MARCHF1: variants seen among roughly 807,000 people sequenced by gnomAD.
MARCHF1 encodes E3 ubiquitin-protein ligase MARCHF1.
Under a neutral mutation model 54.2 loss-of-function variants are expected in MARCHF1, and 40 were observed. That is an observed-to-expected ratio of 0.74 (90% CI 0.57 to 0.96). The LOEUF (loss-of-function observed/expected upper bound fraction) is 0.96. Ranked by LOEUF, MARCHF1 falls within the 40% of genes least tolerant of loss-of-function variation. The probability of loss-of-function intolerance (pLI) is 0.00; values close to 1 mark genes in which losing one functional copy is unlikely to be tolerated. For synonymous variants in MARCHF1, 236 were observed against 236.3 expected, an observed-to-expected ratio of 1.00 and a Z score of 0.01; for missense variants, 586 against 656.5, an observed-to-expected ratio of 0.89 and a Z score of 1.17.
intron 1 of MARCHF1, among the ~76,000 whole-genome samples, chr4:164,176,966 C>CTATA (rs1730689125): frequency 8.6e-5 from 4 of 46,728 alleles, no homozygotes; most frequent in African/African-American, 4.2e-4. Flanking sequence ...CTCTCTCTCT[C>CTATA]TCTCTCTCTC....
chr4:164,001,954 TGA>T (rs968593433), intron 2 of MARCHF1, among the ~76,000 whole-genome samples: 5 of 151,894 alleles, frequency 3.3e-5, no homozygotes, highest in East Asian at 1.9e-4. Flanking sequence ...TTTTAGCAAA[TGA>T]GAGAGCAGAT....
At chr4:163,874,503 A>AT (rs34836663) in intron 3 of MARCHF1, among the ~76,000 whole-genome samples, 30,805 of 151,608 alleles carry the variant, frequency 0.2, 3,582 homozygotes, top group South Asian at 0.32. Context: ...CCCACACTTG[A>AT]TTTTTTTTTA....
chr4:163,792,266 C>G, intron 4 of MARCHF1, among the ~76,000 whole-genome samples: 1 of 152,062 alleles, frequency 6.6e-6, no homozygotes, highest in African/African-American at 2.4e-5. Flanking sequence ...ATCCCAATAG[C>G]AAAATATAAA....
chr4:164,334,929 C>T (rs931204337), intron 1 of MARCHF1, among the ~76,000 whole-genome samples: 8 of 152,244 alleles, frequency 5.3e-5, no homozygotes, highest in South Asian at 2.1e-4. Flanking sequence ...GAGCAAGTAA[C>T]TGCAGAGGTG....
At chr4:164,298,270 T>C (rs1734462360) in intron 1 of MARCHF1, among the ~76,000 whole-genome samples, 1 of 152,032 alleles carries the variant, frequency 6.6e-6, no homozygotes, top group South Asian at 2.1e-4. Context: ...TAGATTAAAA[T>C]AAAGCCTCCT....
chr4:163,545,723 G>C lies in MARCHF1; in HGVS notation c.1212C>G (p.Thr404=). Residue 404 remains threonine (T), a synonymous_variant, in exon 9 of 10, where the codon ACC becomes ACG. Coordinates refer to ENST00000514618, the MANE Select transcript of MARCHF1 (RefSeq NM_001394959.1). ...AGAATATTTTCCTCCTTTCACTTGT[G>C]GTCATCTGTAGTTTCTCCCACTGCA... ...PLRKWEKLQM[T]TSERRKIFCS... The C allele has an allele frequency of 1.2e-6, 2 of 1,613,756 alleles. No individual in the cohort carries two copies. The highest frequency in any genetic ancestry group is 1.7e-6 in the Non-Finnish European group (2 of 1,179,854).
chr4:163,930,383 G>A (rs1465346963), intron 3 of MARCHF1, among the ~76,000 whole-genome samples: 1 of 151,842 alleles, frequency 6.6e-6, no homozygotes, highest in African/African-American at 2.4e-5. Context: ...AGGAGAGTTG[G>A]GACTCAGACC....
chr4:163,595,455 T>G (rs1740736379), intron 7 of MARCHF1, among the ~76,000 whole-genome samples: 1 of 79,522 alleles, frequency 1.3e-5, no homozygotes, highest in African/African-American at 3.3e-5. Flanking sequence ...AGATTGCAGT[T>G]GCAGTGAGCT....
Position 164,174,131 on chromosome 4 carries a change from C to T in MARCHF1, c.-322-62469G>A, listed in dbSNP as rs141148965. Among the ~76,000 whole-genome samples, 33 of 152,278 alleles carry T rather than the reference C, an allele frequency of 2.2e-4. 1 individual carries two copies. In the East Asian group the frequency reaches 5.8e-3, roughly 27 times the overall value. On this transcript the variant is annotated intron_variant, in intron 1 of 9. Transcript: ENST00000514618. ...AAGATAATAAGGGTATTCTTCATGG[C>T]TCACCACATGCTGAGATTCAATGTG...
chr4:163,822,034 A>G (rs1245881950), intron 4 of MARCHF1, among the ~76,000 whole-genome samples: 1 of 151,958 alleles, frequency 6.6e-6, no homozygotes, highest in African/African-American at 2.4e-5. Context: ...ATAACTTTGC[A>G]TGATTTTGTT....
chr4:164,166,486 AG>A (rs1730384775), intron 1 of MARCHF1, among the ~76,000 whole-genome samples: 1 of 151,990 alleles, frequency 6.6e-6, no homozygotes, highest in African/African-American at 2.4e-5. Context: ...TAGCTCTAGA[AG>A]GAAAACATCC....
At chr4:163,557,663 C>CT (rs879779526) in intron 8 of MARCHF1, among the ~76,000 whole-genome samples, 3 of 149,182 alleles carry the variant, frequency 2.0e-5, no homozygotes, top group Non-Finnish European at 4.4e-5. Flanking sequence ...TGTCGTTTTT[C>CT]TTTCCTCTCT....
chr4:163,836,346 C>T (rs1265493357), intron 4 of MARCHF1, among the ~76,000 whole-genome samples: 3 of 150,590 alleles, frequency 2.0e-5, no homozygotes, highest in Non-Finnish European at 4.4e-5. Flanking sequence ...CCCAGGTTCA[C>T]GCCATTCTCC....
chr4:164,122,470 T>G (rs559135019), intron 1 of MARCHF1, among the ~76,000 whole-genome samples: 1 of 152,160 alleles, frequency 6.6e-6, no homozygotes, highest in South Asian at 2.1e-4. Flanking sequence ...GCTGATCAAC[T>G]GGAAAGCCCA....
At chr4:163,597,722 A>C (rs1463429491) in intron 7 of MARCHF1, among the ~76,000 whole-genome samples, 5 of 152,146 alleles carry the variant, frequency 3.3e-5, no homozygotes, top group Non-Finnish European at 5.9e-5. Context: ...TTCATGAATA[A>C]ATTTGATAGA....
At chr4:163,869,290 A>G (rs1032039546) in intron 3 of MARCHF1, among the ~76,000 whole-genome samples, 6 of 152,112 alleles carry the variant, frequency 3.9e-5, no homozygotes, top group African/African-American at 1.4e-4. Flanking sequence ...CTGAGAAGCT[A>G]GGTATAAACA....
chr4:163,597,985 C>A (rs1411364494), intron 7 of MARCHF1, among the ~76,000 whole-genome samples: 1 of 152,166 alleles, frequency 6.6e-6, no homozygotes, highest in Non-Finnish European at 1.5e-5. Flanking sequence ...CTGCTCCCCT[C>A]CTCCTTCAGA....
At chr4:164,321,500 T>C (rs991518274) in intron 1 of MARCHF1, among the ~76,000 whole-genome samples, 3 of 151,884 alleles carry the variant, frequency 2.0e-5, no homozygotes, top group Non-Finnish European at 4.4e-5. Flanking sequence ...AAAAAAACTA[T>C]TCCATATACA....
At chr4:164,163,296 C>A (rs1378798477) in intron 1 of MARCHF1, among the ~76,000 whole-genome samples, 3 of 151,586 alleles carry the variant, frequency 2.0e-5, no homozygotes, top group Non-Finnish European at 4.4e-5. Flanking sequence ...AACTAAAATA[C>A]AAAATAAAGA....
Sources: gnomAD v4.1 joint callset for allele counts (sites outside exome capture counted in the v4.1 genomes callset) on GRCh38, gnomAD v4.1.1 for gene constraint, MANE v1.5 for transcripts, NCBI Gene and HGNC (gene_info 2026-07-23, HGNC 2026-07-21) for gene names.